The following CLHC1 variants were observed in gnomAD, a reference collection of about 807,000 sequenced individuals.
CLHC1 encodes the protein clathrin heavy chain linker domain containing 1.
Under a neutral mutation model 69.5 loss-of-function variants are expected in CLHC1, and 72 were observed. The ratio of observed to expected loss-of-function variants is 1.04; its 90% CI spans 0.86 to 1.26. CLHC1 has a LOEUF of 1.26. CLHC1 is among the 50% of genes most tolerant of loss of function. CLHC1 has a pLI of 0.00. For synonymous variants in CLHC1, 223 were observed against 224.3 expected (o/e 0.99, Z 0.05); for missense variants, 790 against 679.3 (o/e 1.16, Z -1.81).
chr2:55,217,806 C>T lies in CLHC1; in HGVS notation c.365+5G>A. 6.6e-7 allele frequency: 1 copy of T among 1,515,440 alleles called. No homozygotes were observed. Among genetic ancestry groups the T allele is most frequent in the African/African-American group, 1.4e-5 (1 of 70,124 alleles). 93.9% of individuals were successfully genotyped at this position (1,515,440 alleles called of 1,614,324 possible). ...ATCTTTTGGGCTAGTTACTAAAATA[C>T]TTACTTTGCTTCAAGTTGGATTGTT... On this transcript the variant is annotated splice_donor_5th_base_variant and intron_variant, in intron 4 of 12. Transcript: ENST00000401408.
intron 9 of CLHC1, among the ~76,000 whole-genome samples, chr2:55,188,213 C>T (rs1288588786): frequency 1.3e-5 from 2 of 151,970 alleles, no homozygotes; most frequent in Non-Finnish European, 2.9e-5. Context: ...TGACTAGAGA[C>T]GCTGAAGTGG....
intron 9 of CLHC1, among the ~76,000 whole-genome samples, chr2:55,194,542 G>T (rs1335957438): frequency 6.6e-6 from 1 of 151,368 alleles, no homozygotes; most frequent in African/African-American, 2.4e-5. Context: ...GGAGAATTTA[G>T]CCAGTACAAT....
At chr2:55,208,513 T>C (rs1672654654) in intron 8 of CLHC1, 113 bp downstream of exon 8, 1 of 663,860 alleles carries the variant, frequency 1.5e-6, no homozygotes, top group Non-Finnish European at 2.6e-6. Flanking sequence ...ATCAACATTA[T>C]AATCCTCTTA....
chr2:55,221,395 G>C lies in CLHC1; in HGVS notation c.177+840C>G, dbSNP rs190775511. On this transcript the variant is annotated intron_variant, in intron 3 of 12. Coordinates refer to ENST00000401408, the MANE Select transcript of CLHC1 (RefSeq NM_152385.4). ...AAATCAAATATGTTCCACAAAGTCA[G>C]AGCATTTTCTAAGCTGATCTCCCTA... Among the ~76,000 whole-genome samples, 99 of 152,278 alleles carry C rather than the reference G, an allele frequency of 6.5e-4. 1 individual carries two copies. The highest frequency in any genetic ancestry group is 9.8e-4 in the Non-Finnish European group (67 of 68,026).
chr2:55,231,154 G>A (rs1444764786), intron 1 of CLHC1, among the ~76,000 whole-genome samples: 1 of 151,898 alleles, frequency 6.6e-6, no homozygotes, highest in African/African-American at 2.4e-5. Context: ...GGAGGCTGAG[G>A]CAGAAGAATT....
intron 9 of CLHC1, among the ~76,000 whole-genome samples, chr2:55,195,767 C>T (rs557381667): frequency 6.6e-6 from 1 of 152,280 alleles, no homozygotes; most frequent in Non-Finnish European, 1.5e-5. Context: ...CCACTGCACT[C>T]CAGCCTGGGT....
At chr2:55,227,721 A>G (rs1208962202) in intron 2 of CLHC1, among the ~76,000 whole-genome samples, 1 of 152,018 alleles carries the variant, frequency 6.6e-6, no homozygotes, top group Non-Finnish European at 1.5e-5. Flanking sequence ...AAGAGGAAGA[A>G]ACGGGTGTTA....
chr2:55,195,462 A>C (rs1671322872), intron 9 of CLHC1, among the ~76,000 whole-genome samples: 1 of 152,222 alleles, frequency 6.6e-6, no homozygotes, highest in Non-Finnish European at 1.5e-5. Context: ...AAGATGACTG[A>C]ATAGAAGCCT....
rs1674218401 is a variant in CLHC1, at chr2:55,222,383, G to T, written c.29C>A (p.Ala10Glu). Residue 10 changes from alanine (A) to glutamate (E), a missense_variant, in exon 3 of 13, where the codon GCA (alanine) becomes GAA (glutamate). Coordinates refer to ENST00000401408, the MANE Select transcript of CLHC1 (RefSeq NM_152385.4). Reference protein sequence around the residue: MSVHQIRKHAVLPPIICRSD... With the variant: MSVHQIRKHEVLPPIICRSD... ...TCTACAAATGATAGGTGGGAGAACT[G>T]CATGTTTTCTTATTTGATGAACTGA... 6.2e-7 allele frequency: 1 copy of T among 1,613,200 alleles called. No individual in the cohort carries two copies. Among genetic ancestry groups the T allele is most frequent in the African/African-American group, 1.3e-5 (1 of 74,880 alleles).
chr2:55,209,709 C>T lies in CLHC1; in HGVS notation c.622G>A (p.Ala208Thr). 1 of 1,613,962 alleles carries T rather than the reference C, an allele frequency of 6.2e-7. No homozygotes were observed. The highest frequency in any genetic ancestry group is 1.6e-4 in the Middle Eastern group (1 of 6,062). ...LIKYVPAQRK[A>T]DLDEEMIVLL... ...ACAATCATTTCTTCATCTAAATCAG[C>T]CTTCCTCTGAGCTGGCACATATTTT... is the stretch of plus-strand genomic sequence containing the variant. Residue 208 changes from alanine to threonine, a missense_variant, in exon 6 of 13, where the codon GCT becomes ACT. Ala to Thr is a moderately conservative substitution (Grantham distance 58, BLOSUM62 0). Transcript: ENST00000401408.
At chr2:55,226,846 T>C (rs1161167967) in intron 2 of CLHC1, among the ~76,000 whole-genome samples, 1 of 152,212 alleles carries the variant, frequency 6.6e-6, no homozygotes, top group East Asian at 1.9e-4. Flanking sequence ...TTGGCCAGGC[T>C]GATCTTGAAC....
chr2:55,183,965 G>C (rs949625282), intron 9 of CLHC1, among the ~76,000 whole-genome samples: 5 of 152,056 alleles, frequency 3.3e-5, no homozygotes, highest in African/African-American at 9.7e-5. Context: ...ATTTTTAGTA[G>C]AGACAGGGTG....
intron 1 of CLHC1, among the ~76,000 whole-genome samples, chr2:55,230,085 A>C (rs982012593): frequency 3.9e-5 from 6 of 152,234 alleles, no homozygotes; most frequent in Non-Finnish European, 8.8e-5. Context: ...AAAAAAGAAA[A>C]AAAAGAATTG....
chr2:55,176,011 T>A, intron 12 of CLHC1, 25 bp from the exon 13 acceptor site: 3 of 1,553,536 alleles, frequency 1.9e-6, no homozygotes, highest in Non-Finnish European at 2.7e-6. Flanking sequence ...TACAATATTA[T>A]AGTATGGCAC....
chr2:55,202,859 A>G (rs1371591678), intron 9 of CLHC1, among the ~76,000 whole-genome samples: 1 of 149,702 alleles, frequency 6.7e-6, no homozygotes, highest in African/African-American at 2.5e-5. Context: ...AGATTGCACC[A>G]CTGCACTCCA....
At chr2:55,211,520 A>G (rs1673010735) in intron 5 of CLHC1, among the ~76,000 whole-genome samples, 1 of 151,640 alleles carries the variant, frequency 6.6e-6, no homozygotes, top group African/African-American at 2.4e-5. Context: ...AAAAAAAAAA[A>G]AAGAAAGTGA....
chr2:55,182,445 T>A (rs1229154532), intron 9 of CLHC1, among the ~76,000 whole-genome samples: 2 of 152,208 alleles, frequency 1.3e-5, no homozygotes, highest in East Asian at 3.8e-4. Context: ...GTACACTCAA[T>A]GCTTGAACTT....
At chr2:55,176,106 T>C in intron 12 of CLHC1, 120 bp from the exon 13 acceptor site, 1 of 777,060 alleles carries the variant, frequency 1.3e-6, no homozygotes, top group South Asian at 1.8e-5. Flanking sequence ...CTCTACCTGA[T>C]TCCCCTAAGA....
intron 11 of CLHC1, among the ~76,000 whole-genome samples, chr2:55,180,304 CATA>C (rs1163857688): frequency 6.6e-6 from 1 of 151,986 alleles, no homozygotes; most frequent in Non-Finnish European, 1.5e-5. Flanking sequence ...TGAGGAAATA[CATA>C]ATATTTTTGA....
Sources: gnomAD v4.1 joint callset for allele counts (sites outside exome capture counted in the v4.1 genomes callset) on GRCh38, gnomAD v4.1.1 for gene constraint, MANE v1.5 for transcripts, NCBI Gene and HGNC (gene_info 2026-07-23, HGNC 2026-07-21) for gene names.